The following COL13A1 variants were observed in gnomAD, a reference collection of about 807,000 sequenced individuals.
COL13A1 encodes collagen alpha-1(XIII) chain.
Under a neutral mutation model 130.9 loss-of-function variants are expected in COL13A1, and 89 were observed. The observed-to-expected ratio is 0.68, with a 90% CI of 0.57 to 0.81. The LOEUF (loss-of-function observed/expected upper bound fraction) is 0.81. Ranked by LOEUF, COL13A1 falls within the 30% of genes least tolerant of loss-of-function variation. The probability of loss-of-function intolerance (pLI) is 0.00; values close to 1 mark genes in which losing one functional copy is unlikely to be tolerated. For missense variants in COL13A1, 879 were observed against 934.6 expected, an observed-to-expected ratio of 0.94 and a Z score of 0.78; for synonymous variants, 402 against 341.6, an observed-to-expected ratio of 1.18 and a Z score of -1.95.
intron 2 of COL13A1, among the ~76,000 whole-genome samples, chr10:69,864,688 C>T (rs1313658448): frequency 6.6e-6 from 1 of 152,224 alleles, no homozygotes; most frequent in Non-Finnish European, 1.5e-5. Flanking sequence ...CAGAATGCTA[C>T]CCCAGAATTC....
At chr10:69,947,275 T>G in intron 37 of COL13A1, 32 bp from the exon 38 acceptor site, 1 of 1,611,330 alleles carries the variant, frequency 6.2e-7, no homozygotes, top group Non-Finnish European at 8.5e-7. Context: ...GTGTCCTCAT[T>G]AACATGCCTT....
intron 2 of COL13A1, among the ~76,000 whole-genome samples, chr10:69,841,521 A>G (rs1203903083): frequency 4.6e-5 from 7 of 152,218 alleles, no homozygotes. Flanking sequence ...TTCATGTATC[A>G]TTCAACACAT....
At chr10:69,948,341 A>AT (rs5785959) in intron 38 of COL13A1, among the ~76,000 whole-genome samples, 60,625 of 151,998 alleles carry the variant, frequency 0.4, 12,213 homozygotes, top group South Asian at 0.48. Context: ...AGTGAATTCC[A>AT]TCTCTTCAAC....
chr10:69,855,056 T>C (rs1243357050), intron 2 of COL13A1, among the ~76,000 whole-genome samples: 2 of 152,236 alleles, frequency 1.3e-5, no homozygotes, highest in South Asian at 2.1e-4. Context: ...GATTTGACCT[T>C]GGGCAATCCG....
At chr10:69,844,568 G>A (rs1218553218) in intron 2 of COL13A1, among the ~76,000 whole-genome samples, 2 of 152,192 alleles carry the variant, frequency 1.3e-5, no homozygotes, top group Non-Finnish European at 2.9e-5. Context: ...GATTAAAAGA[G>A]TTAATACAGT....
intron 2 of COL13A1, chr10:69,824,000 C>T (rs1002853408): frequency 2.3e-6 from 1 of 434,150 alleles, no homozygotes; most frequent in East Asian, 7.1e-5. Flanking sequence ...GCAATGACAA[C>T]CGATTTTTGC....
intron 2 of COL13A1, among the ~76,000 whole-genome samples, chr10:69,855,304 GT>G (rs1216226670): frequency 6.6e-6 from 1 of 152,128 alleles, no homozygotes; most frequent in Non-Finnish European, 1.5e-5. Flanking sequence ...GAGACTGTGT[GT>G]TTCTTTATTT....
chr10:69,845,347 C>T (rs1045697879), intron 2 of COL13A1, among the ~76,000 whole-genome samples: 1 of 152,058 alleles, frequency 6.6e-6, no homozygotes, highest in African/African-American at 2.4e-5. Flanking sequence ...CACCCACCAC[C>T]ACGCCTGGCT....
chr10:69,958,105 A>T (rs1157724357), intron 40 of COL13A1, among the ~76,000 whole-genome samples: 2 of 151,984 alleles, frequency 1.3e-5, no homozygotes, highest in African/African-American at 4.8e-5. Flanking sequence ...CCCTAACCCA[A>T]GAAGGAAAAG....
chr10:69,958,641 A>G, intron 40 of COL13A1, 58 bp from the exon 41 acceptor site: 1 of 1,612,740 alleles, frequency 6.2e-7, no homozygotes. Context: ...TACAAAGGAA[A>G]TAAACCTCTG....
chr10:69,945,750 C>A lies in COL13A1; in HGVS notation c.2022+26C>A, dbSNP rs780531954. 8.1e-6 allele frequency: 13 copies of A among 1,602,162 alleles called. No individual in the cohort carries two copies. The Admixed American group carries it at 2.2e-4, about 27-fold the overall frequency. On this transcript the variant is annotated intron_variant, in intron 37 of 40. Coordinates refer to ENST00000645393, the MANE Select transcript of COL13A1 (RefSeq NM_001368882.1). ...GTGAGTCTCTTGGGATCAGAGGTTC[C>A]TCTCCTCCCACCCCTGCCCCCATTA...
intron 37 of COL13A1, among the ~76,000 whole-genome samples, chr10:69,945,950 A>G (rs576638360): frequency 6.6e-6 from 1 of 152,144 alleles, no homozygotes; most frequent in South Asian, 2.1e-4. Flanking sequence ...GCGCACCTGT[A>G]TCCCAGCTAC....
intron 36 of COL13A1, 93 bp downstream of exon 36, chr10:69,944,271 C>A (rs2068106428): frequency 9.7e-7 from 1 of 1,033,120 alleles, no homozygotes; most frequent in Admixed American, 1.8e-5. Context: ...TGCCTTCCTT[C>A]TTCCATCTCT....
chr10:69,835,349 A>G (rs1392864646), intron 2 of COL13A1, among the ~76,000 whole-genome samples: 2 of 152,150 alleles, frequency 1.3e-5, no homozygotes, highest in Admixed American at 6.5e-5. Context: ...AAGGTGGGAC[A>G]TGCCAGACCC....
At chr10:69,805,457 G>A (rs1841309698) in intron 1 of COL13A1, among the ~76,000 whole-genome samples, 1 of 152,138 alleles carries the variant, frequency 6.6e-6, no homozygotes, top group African/African-American at 2.4e-5. Context: ...CTCCTGGAGG[G>A]ACACCCTAGG....
At chr10:69,803,066 T>C (rs1176266746) in intron 1 of COL13A1, among the ~76,000 whole-genome samples, 1 of 152,062 alleles carries the variant, frequency 6.6e-6, no homozygotes, top group Non-Finnish European at 1.5e-5. Flanking sequence ...GCCAGGGTGG[T>C]GTGACAGCCG....
At chr10:69,834,397 G>C (rs1416419601) in intron 2 of COL13A1, among the ~76,000 whole-genome samples, 1 of 152,230 alleles carries the variant, frequency 6.6e-6, no homozygotes, top group Non-Finnish European at 1.5e-5. Context: ...GGAGGTTGCA[G>C]AGGTAACATT....
intron 36 of COL13A1, among the ~76,000 whole-genome samples, chr10:69,945,071 G>A (rs1458957674): frequency 6.6e-6 from 1 of 152,198 alleles, no homozygotes; most frequent in Non-Finnish European, 1.5e-5. Context: ...GGGGAGCTGT[G>A]TCTTTCTATA....
chr10:69,955,033 C>T (rs1401574487), intron 39 of COL13A1: 4 of 152,236 alleles, frequency 2.6e-5, no homozygotes, highest in African/African-American at 7.2e-5. Context: ...CCCCAAATTT[C>T]CCCAATAGGT....
Sources: allele counts gnomAD v4.1 joint callset (sites outside exome capture counted in the v4.1 genomes callset), GRCh38; gene constraint gnomAD v4.1.1; transcripts MANE v1.5; gene names NCBI Gene and HGNC (gene_info 2026-07-23, HGNC 2026-07-21).